Variants in MTERF4 observed in about 807,000 individuals in gnomAD.
MTERF4 encodes mitochondrial transcription termination factor 4, also known as transcription termination factor 4, mitochondrial.
MTERF4 carries 17 observed loss-of-function variants against 22.5 expected under a neutral mutation model. The ratio of observed to expected loss-of-function variants is 0.75; its 90% CI spans 0.52 to 1.13. The LOEUF is 1.13. Among genes scored for constraint, MTERF4 ranks in the 50% most tolerant of loss-of-function variants. MTERF4 has a pLI of 0.00. For synonymous variants in MTERF4, 165 were observed against 175.3 expected (o/e 0.94, Z 0.47); for missense variants, 420 against 466.8 (o/e 0.90, Z 0.92).
chr2:241,088,406 C>A (rs376903624), downstream of MTERF4: 2 of 1,609,706 alleles, frequency 1.2e-6, no homozygotes, highest in African/African-American at 1.3e-5. Flanking sequence ...TCTTAAGGTA[C>A]GTCCCTGCTG....
chr2:241,051,747 G>T, the MTERF4 span: 1 of 1,503,224 alleles, frequency 6.7e-7, no homozygotes, highest in Non-Finnish European at 8.9e-7. The surrounding 1 kb of genome is among the most constrained non-coding windows in gnomAD (Gnocchi z 4.7). Context: ...CACACAGCCC[G>T]GCCACACCTG....
the MTERF4 span, chr2:241,063,768 G>A: frequency 8.3e-7 from 1 of 1,197,716 alleles, no homozygotes; most frequent in Non-Finnish European, 1.2e-6. Flanking sequence ...GAGGAGGTGG[G>A]GCATCCCCAC....
At chr2:241,063,435 G>C in the MTERF4 span, 1 of 661,978 alleles carries the variant, frequency 1.5e-6, no homozygotes. Context: ...GGGTGGGTTT[G>C]GGGCTGATGG....
At chr2:241,078,571 T>G (rs951063109) in intron 4 of MTERF4, among the ~76,000 whole-genome samples, 5 of 151,636 alleles carry the variant, frequency 3.3e-5, no homozygotes, top group African/African-American at 4.9e-5. Context: ...TCCATTCATA[T>G]GAAAGTCCAG....
At chr2:241,070,130 CT>C (rs768170236), downstream of MTERF4, 1 of 1,612,382 alleles carries the variant, frequency 6.2e-7, no homozygotes, top group South Asian at 1.1e-5. Flanking sequence ...TACCAGCTCT[CT>C]GTGATAGCAG....
chr2:241,066,978 G>A, the MTERF4 span, among the ~76,000 whole-genome samples: 73 of 152,220 alleles, frequency 4.8e-4, 4 homozygotes, highest in Non-Finnish European at 1.2e-4. Context: ...GCGCATGTGC[G>A]GGTGGCACTG....
downstream of MTERF4, chr2:241,088,653 G>A (rs960533563): frequency 3.7e-5 from 19 of 517,916 alleles, no homozygotes; most frequent in African/African-American, 3.7e-4. Context: ...CTGTGGATAG[G>A]GCAAATCCCA....
chr2:241,064,130 G>A, the MTERF4 span: 2 of 1,544,900 alleles, frequency 1.3e-6, no homozygotes, highest in Middle Eastern at 1.7e-4. This position sits in a 1 kb window ranked among gnomAD's most constrained non-coding sequence, Gnocchi z 7.0. Context: ...AGACAGGTAG[G>A]GCGGCAGGCC....
At chr2:241,088,291 T>C (rs758972714), downstream of MTERF4, 1 of 1,067,286 alleles carries the variant, frequency 9.4e-7, no homozygotes, top group Non-Finnish European at 1.5e-6. Flanking sequence ...GCAGGCAGCC[T>C]GGACTGAGGT....
chr2:241,050,326 C>T, the MTERF4 span, among the ~76,000 whole-genome samples: 1 of 152,214 alleles, frequency 6.6e-6, no homozygotes, highest in Non-Finnish European at 1.5e-5. Flanking sequence ...AAGTGTCCTT[C>T]TGTAAGCACA....
chr2:241,053,426 C>A, the MTERF4 span: 4 of 1,262,892 alleles, frequency 3.2e-6, no homozygotes, highest in Non-Finnish European at 4.3e-6. Flanking sequence ...AGCCTGGATG[C>A]CCAGCTCTGA....
the MTERF4 span, among the ~76,000 whole-genome samples, chr2:241,062,143 A>G: frequency 6.6e-6 from 1 of 152,220 alleles, no homozygotes; most frequent in Non-Finnish European, 1.5e-5. Flanking sequence ...TTTTAATTAC[A>G]TATTTTACTG....
chr2:241,081,954 G>T (rs564103502), intron 4 of MTERF4, among the ~76,000 whole-genome samples: 4 of 152,330 alleles, frequency 2.6e-5, no homozygotes, highest in Middle Eastern at 3.4e-3. Context: ...CCCAGGGGCT[G>T]CGCTGCTGCC....
At chr2:241,062,099 ATTG>A in the MTERF4 span, among the ~76,000 whole-genome samples, 1 of 152,230 alleles carries the variant, frequency 6.6e-6, no homozygotes, top group Non-Finnish European at 1.5e-5. Context: ...AACATTCACT[ATTG>A]TTTAGGCAAT....
chr2:241,096,025 CTCATCA>C lies in MTERF4; in HGVS notation c.1113_1118del (p.Asn371_Glu373delinsLys). 1 of 1,613,804 alleles carries C rather than the reference CTCATCA, an allele frequency of 6.2e-7. No homozygotes were observed. On this transcript the variant is annotated inframe_deletion, in exon 4 of 4. Transcript: ENST00000391980. The surrounding 1 kb of genome is among the most constrained non-coding windows in gnomAD (Gnocchi z 5.1). ...ATTCCTCCTCGTCGTCGTCCTCATCCTCATCATTGTCCTCCGCCTCGTCGTCGTCCT... is the reference window on the plus strand; with the variant it reads ...ATTCCTCCTCGTCGTCGTCCTCATCCTTGTCCTCCGCCTCGTCGTCGTCCT...
the MTERF4 span, among the ~76,000 whole-genome samples, chr2:241,057,110 G>A: frequency 0.013 from 1,983 of 152,142 alleles, 16 homozygotes; most frequent in Non-Finnish European, 0.021. Context: ...TGGGTGCAGT[G>A]GCTCACACCT....
At chr2:241,100,054 G>A in intron 1 of MTERF4, 160 bp from the exon 2 acceptor site, 3 of 840,942 alleles carry the variant, frequency 3.6e-6, no homozygotes, top group Non-Finnish European at 5.3e-6. Flanking sequence ...AGCCTACAGA[G>A]AAGGAAGCTC....
At chr2:241,079,377 A>C (rs968227594) in intron 4 of MTERF4, among the ~76,000 whole-genome samples, 3 of 150,554 alleles carry the variant, frequency 2.0e-5, no homozygotes, top group Non-Finnish European at 3.0e-5. Context: ...GCCCCACTGC[A>C]CTCCAGCCTG....
chr2:241,081,996 A>T (rs939161534), intron 4 of MTERF4, among the ~76,000 whole-genome samples: 5 of 152,184 alleles, frequency 3.3e-5, no homozygotes. Flanking sequence ...GCTGCCCATC[A>T]CGGGGGTCAG....
Sources: allele counts gnomAD v4.1 joint callset (sites outside exome capture counted in the v4.1 genomes callset), GRCh38; gene constraint gnomAD v4.1.1; non-coding constraint Gnocchi (gnomAD v3.1); transcripts MANE v1.5; gene names NCBI Gene and HGNC (gene_info 2026-07-23, HGNC 2026-07-21).